Variants in IPO8 observed in about 807,000 individuals in gnomAD.
IPO8 encodes the protein importin 8, also known as importin-8.
In IPO8, 65 loss-of-function variants were observed where a neutral mutation model predicts 141.2. The observed-to-expected ratio is 0.46, with a 90% CI of 0.38 to 0.57. IPO8 has a LOEUF of 0.57. IPO8 is among the 20% of genes least tolerant of loss of function. IPO8 has a pLI of 0.00. For missense variants in IPO8, 980 were observed against 1,246.8 expected (o/e 0.79, Z 3.22); for synonymous variants, 411 against 420.3 (o/e 0.98, Z 0.27).
chr12:30,647,648 C>CATA (rs1370001883), intron 20 of IPO8, among the ~76,000 whole-genome samples: 1 of 115,102 alleles, frequency 8.7e-6, no homozygotes, highest in Non-Finnish European at 1.9e-5. Flanking sequence ...AAGCAATAAT[C>CATA]ATAAAAAAAA....
chr12:30,630,794 G>C lies in IPO8; in HGVS notation c.*66C>G. On this transcript the variant is annotated 3_prime_UTR_variant, in exon 25 of 25. Transcript: ENST00000256079. ...AAGCAGCCCCTCATTTCATCCCCTT[G>C]ACCCTCACACTCCTCTTGTGAAATA... is the stretch of plus-strand genomic sequence containing the variant. 7.6e-7 allele frequency: 1 copy of C among 1,310,950 alleles called. No homozygotes were observed. The highest frequency in any genetic ancestry group is 1.2e-5 in the South Asian group (1 of 81,932). 81.2% of individuals were successfully genotyped at this position (1,310,950 alleles called of 1,614,324 possible).
At chr12:30,655,695 G>A (rs1591830106) in intron 17 of IPO8, among the ~76,000 whole-genome samples, 2 of 152,154 alleles carry the variant, frequency 1.3e-5, no homozygotes, top group Admixed American at 1.3e-4. Context: ...TTTTAAGGCT[G>A]AATAGTATCC....
intron 17 of IPO8, among the ~76,000 whole-genome samples, chr12:30,654,598 CCAA>C (rs2052773077): frequency 6.6e-6 from 1 of 151,748 alleles, no homozygotes; most frequent in African/African-American, 2.4e-5. Flanking sequence ...ATAAAAATGG[CCAA>C]CAAGTATACA....
At chr12:30,644,508 GGTGGTA>G (rs2136132106) in intron 20 of IPO8, among the ~76,000 whole-genome samples, 1 of 152,106 alleles carries the variant, frequency 6.6e-6, no homozygotes, top group East Asian at 1.9e-4. Flanking sequence ...TGAAGATTTT[GGTGGTA>G]AGTAAAGCTC....
chr12:30,683,602 G>A (rs1244204359), intron 3 of IPO8, among the ~76,000 whole-genome samples: 1 of 152,160 alleles, frequency 6.6e-6, no homozygotes, highest in Non-Finnish European at 1.5e-5. Flanking sequence ...GCAGCTGCTA[G>A]TTAAATATGC....
intron 20 of IPO8, among the ~76,000 whole-genome samples, chr12:30,644,211 T>A (rs1209079983): frequency 6.6e-6 from 1 of 151,794 alleles, no homozygotes; most frequent in Non-Finnish European, 1.5e-5. Flanking sequence ...TTACAAAAAA[T>A]TTGAAAATGA....
chr12:30,654,087 A>G (rs923951739), intron 17 of IPO8, among the ~76,000 whole-genome samples: 1 of 152,066 alleles, frequency 6.6e-6, no homozygotes, highest in Non-Finnish European at 1.5e-5. Context: ...AAGATGCTAA[A>G]AACACACAAT....
At chr12:30,694,944 A>G in intron 1 of IPO8, 1 of 455,670 alleles carries the variant, frequency 2.2e-6, no homozygotes, top group South Asian at 1.6e-5. Context: ...TACACATTTT[A>G]GCATTCATAA....
In IPO8 at chr12:30,669,260, A is replaced by G; in HGVS notation, c.1067T>C (p.Phe356Ser). Reference sequence around the variant, plus strand: ...CTCATCTTTATAACACATCACAGAAAAAATCACATCTTCAGAGATATTCTA... The same window carrying G: ...CTCATCTTTATAACACATCACAGAAGAAATCACATCTTCAGAGATATTCTA... ...HIQNISEDVI[F>S]SVMCYKDEDE... The change falls in exon 10 of 25, where the codon TTT (phenylalanine) becomes TCT (serine). Residue 356 changes from phenylalanine (F) to serine (S), a missense_variant. This residue lies in a region of IPO8 where 924 missense variants were observed against 1,153.9 expected (regional missense o/e 0.80). Coordinates refer to ENST00000256079, the MANE Select transcript of IPO8 (RefSeq NM_006390.4). The G allele has an allele frequency of 6.3e-7, 1 of 1,581,176 alleles. No individual in the cohort carries two copies. The highest frequency in any genetic ancestry group is 8.6e-7 in the Non-Finnish European group (1 of 1,162,816).
At position 30,656,714 on chromosome 12, in the gene IPO8, T is replaced by C. The variant is rs34119940; in HGVS notation, c.1918A>G (p.Ile640Val). 0.02 allele frequency: 31,686 copies of C among 1,559,106 alleles called. 434 individuals carry two copies. The highest frequency in any genetic ancestry group is 0.025 in the Middle Eastern group (149 of 5,930). The change falls in exon 17 of 25, where the codon ATT becomes GTT. Residue 640 changes from isoleucine to valine, a missense_variant. By Grantham distance (29) the Ile-to-Val change is conservative. This residue lies in a region of IPO8 where 924 missense variants were observed against 1,153.9 expected (regional missense o/e 0.80). Coordinates refer to ENST00000256079, the MANE Select transcript of IPO8 (RefSeq NM_006390.4). ...QQLENICLRI[I>V]DLVLQKHVIE... ...ACATGTTTCTGCAGAACAAGATCAATGATCCGTAGACAGATATTCTCTAAC... is the reference window on the plus strand; with the variant it reads ...ACATGTTTCTGCAGAACAAGATCAACGATCCGTAGACAGATATTCTCTAAC...
chr12:30,688,667 A>C (rs986197511), intron 2 of IPO8: 11 of 189,608 alleles, frequency 5.8e-5, no homozygotes, highest in African/African-American at 2.2e-4. Flanking sequence ...ATTATGAAGA[A>C]AAAAATGCCT....
In IPO8 at chr12:30,695,693, T is replaced by G; in HGVS notation, c.-46A>C. 2 of 1,557,474 alleles carry G rather than the reference T, an allele frequency of 1.3e-6. No homozygotes were observed. The highest frequency in any genetic ancestry group is 1.8e-6 in the Non-Finnish European group (2 of 1,132,334). ...CGGCCCCCGGAACAGTAGGCCGGAC[T>G]GCAGCTTTAGTTTTCTTTTGACCCT... On this transcript the variant is annotated 5_prime_UTR_variant, in exon 1 of 25. Transcript: ENST00000256079. The surrounding 1 kb of genome is among the most constrained non-coding windows in gnomAD (Gnocchi z 4.2).
At chr12:30,647,110 A>C (rs1268227225) in intron 20 of IPO8, among the ~76,000 whole-genome samples, 1 of 152,240 alleles carries the variant, frequency 6.6e-6, no homozygotes, top group African/African-American at 2.4e-5. Context: ...GAATAAGAAC[A>C]GATAAGTACA....
At chr12:30,646,035 A>C (rs2052641411) in intron 20 of IPO8, among the ~76,000 whole-genome samples, 1 of 152,190 alleles carries the variant, frequency 6.6e-6, no homozygotes, top group Non-Finnish European at 1.5e-5. Flanking sequence ...TCTGATACCA[A>C]AGCCAGACAA....
At chr12:30,676,783 AC>A (rs1370492597) in intron 5 of IPO8, 196 bp from the exon 6 acceptor site, 1 of 827,780 alleles carries the variant, frequency 1.2e-6, no homozygotes, top group African/African-American at 1.7e-5. Context: ...TTAGAAGACT[AC>A]CTGCCATGAG....
At chr12:30,637,267 ATG>A (rs1353219919) in intron 21 of IPO8, 80 bp from the exon 22 acceptor site, 1 of 1,043,872 alleles carries the variant, frequency 9.6e-7, no homozygotes, top group African/African-American at 1.6e-5. Context: ...ACAAAAAGAA[ATG>A]TCCAAGGCAT....
At chr12:30,649,748 G>C (rs1253338489) in intron 19 of IPO8, among the ~76,000 whole-genome samples, 6 of 151,938 alleles carry the variant, frequency 3.9e-5, no homozygotes. Context: ...ATATAACAAA[G>C]TTATCAGACA....
At chr12:30,634,331 A>T (rs1288613649) in intron 22 of IPO8, 45 bp from the exon 23 acceptor site, 8 of 1,504,742 alleles carry the variant, frequency 5.3e-6, no homozygotes, top group Non-Finnish European at 7.4e-6. Context: ...ACACATAAGG[A>T]CAAAATATAA....
intron 20 of IPO8, among the ~76,000 whole-genome samples, chr12:30,643,686 T>A (rs1271725348): frequency 6.6e-6 from 1 of 152,242 alleles, no homozygotes; most frequent in Non-Finnish European, 1.5e-5. Flanking sequence ...GGGAATGAAC[T>A]AGTTCCCATG....
Sources: gnomAD v4.1 joint callset for allele counts (sites outside exome capture counted in the v4.1 genomes callset) on GRCh38, gnomAD v4.1.1 for gene constraint, gnomAD v4.1.1 regional missense constraint, Gnocchi (gnomAD v3.1) non-coding constraint, MANE v1.5 for transcripts, NCBI Gene and HGNC (gene_info 2026-07-23, HGNC 2026-07-21) for gene names.